The following CCDC85A variants were observed in gnomAD, a reference collection of about 807,000 sequenced individuals.
The protein encoded by CCDC85A is coiled-coil domain containing 85A.
In CCDC85A, 38 loss-of-function variants were observed where a neutral mutation model predicts 50.2. That is an observed-to-expected ratio of 0.76 (90% CI 0.58 to 0.99). CCDC85A has a LOEUF of 0.99. Among genes scored for constraint, CCDC85A ranks in the 50% least tolerant of loss-of-function variants. The probability of loss-of-function intolerance (pLI) is 0.00; values close to 1 mark genes in which losing one functional copy is unlikely to be tolerated. For missense variants in CCDC85A, 820 were observed against 742.0 expected (o/e 1.11, Z -1.22); for synonymous variants, 366 against 301.4 (o/e 1.21, Z -2.22).
intron 2 of CCDC85A, among the ~76,000 whole-genome samples, chr2:56,238,477 T>A (rs902712431): frequency 2.0e-5 from 3 of 152,058 alleles, no homozygotes. Context: ...ACAACATATT[T>A]ATGTTTAATA....
intron 3 of CCDC85A, among the ~76,000 whole-genome samples, chr2:56,369,066 G>A (rs757036180): frequency 6.6e-6 from 1 of 151,848 alleles, no homozygotes; most frequent in African/African-American, 2.4e-5. Context: ...TCATCGTTTT[G>A]TGATTCATGT....
chr2:56,255,320 G>A (rs981730599), intron 2 of CCDC85A, among the ~76,000 whole-genome samples: 1 of 152,178 alleles, frequency 6.6e-6, no homozygotes, highest in African/African-American at 2.4e-5. Context: ...TGATTTGTTG[G>A]CTGCTAAAAT....
At chr2:56,245,430 AG>A (rs925269477) in intron 2 of CCDC85A, among the ~76,000 whole-genome samples, 1 of 152,178 alleles carries the variant, frequency 6.6e-6, no homozygotes, top group South Asian at 2.1e-4. Context: ...GGGATGGAGG[AG>A]GGGGTGGCCT....
At chr2:56,207,180 C>T (rs1031206276) in intron 2 of CCDC85A, among the ~76,000 whole-genome samples, 2 of 152,096 alleles carry the variant, frequency 1.3e-5, no homozygotes, top group African/African-American at 4.8e-5. Context: ...GTATTTTGAC[C>T]TCATTTTAGC....
chr2:56,222,686 C>A (rs1458029164), intron 2 of CCDC85A, among the ~76,000 whole-genome samples: 1 of 152,072 alleles, frequency 6.6e-6, no homozygotes, highest in Admixed American at 6.6e-5. Context: ...CACGTTTTCC[C>A]ACCCGTTGAT....
In CCDC85A at chr2:56,192,845, C is replaced by T. The variant is rs753484409; in HGVS notation, c.645C>T (p.Ser215=). 1.1e-5 allele frequency: 17 copies of T among 1,613,198 alleles called. No homozygotes were observed. The highest frequency in any genetic ancestry group is 1.4e-5 in the Non-Finnish European group (16 of 1,179,680). The part of the protein sequence containing the change: ...RDVGDGSSTS[S]TGSTDSPDHH... ...TGGGTGACGGCAGCAGCACCTCCAG[C>T]ACTGGCAGCACTGACAGCCCGGACC... The change falls in exon 2 of 6, where the codon AGC becomes AGT. Residue 215 remains serine (S), a synonymous_variant. Transcript: ENST00000407595. The surrounding 1 kb of genome is among the most constrained non-coding windows in gnomAD (Gnocchi z 4.7).
intron 2 of CCDC85A, among the ~76,000 whole-genome samples, chr2:56,280,026 G>T (rs1671133239): frequency 6.6e-6 from 1 of 152,136 alleles, no homozygotes; most frequent in Non-Finnish European, 1.5e-5. Flanking sequence ...AATTCAAAAG[G>T]AATATGGCAT....
At chr2:56,318,634 T>C (rs904524633) in intron 2 of CCDC85A, among the ~76,000 whole-genome samples, 2 of 152,146 alleles carry the variant, frequency 1.3e-5, no homozygotes, top group African/African-American at 2.4e-5. Context: ...TTTGGCCCAA[T>C]TTAAATGTTT....
chr2:56,288,481 T>G (rs908821735), intron 2 of CCDC85A, among the ~76,000 whole-genome samples: 1 of 152,150 alleles, frequency 6.6e-6, no homozygotes, highest in Admixed American at 6.6e-5. Context: ...TATTATGAAG[T>G]AAGTTAAAAT....
intron 2 of CCDC85A, among the ~76,000 whole-genome samples, chr2:56,208,079 T>G (rs1677026059): frequency 6.6e-6 from 1 of 152,166 alleles, no homozygotes; most frequent in Non-Finnish European, 1.5e-5. Flanking sequence ...AAAAATATGT[T>G]ATATTGTTTC....
At chr2:56,269,479 C>T (rs951150169) in intron 2 of CCDC85A, among the ~76,000 whole-genome samples, 2 of 152,068 alleles carry the variant, frequency 1.3e-5, no homozygotes, top group Admixed American at 6.6e-5. Context: ...TAGGGCTCCT[C>T]CTATGTTCTT....
intron 5 of CCDC85A, among the ~76,000 whole-genome samples, chr2:56,379,307 C>T (rs573337434): frequency 3.3e-5 from 5 of 152,232 alleles, no homozygotes; most frequent in Admixed American, 3.3e-4. Flanking sequence ...CCAGTTTCAC[C>T]TGTCACTATC....
At position 56,184,814 on chromosome 2, in the gene CCDC85A, G is replaced by C. The variant is rs1444696706; in HGVS notation, c.190G>C (p.Val64Leu). ...CCTGCGGCGCGCCGAGGCGGAGAAG[G>C]TGAGCGCGATGCTGGACCACAGCAA... ...RSLRRAEAEKVSAMLDHSNLI... is the reference protein window; with the variant it reads ...RSLRRAEAEKLSAMLDHSNLI... The change falls in exon 1 of 6, where the codon GTG becomes CTG. Residue 64 changes from valine (V) to leucine (L), a missense_variant. Coordinates refer to ENST00000407595, the MANE Select transcript of CCDC85A (RefSeq NM_001080433.2). The C allele has an allele frequency of 1.3e-6, 2 of 1,546,096 alleles. No individual in the cohort carries two copies. The highest frequency in any genetic ancestry group is 1.2e-5 in the South Asian group (1 of 83,782).
chr2:56,352,108 T>G (rs1046295481), intron 3 of CCDC85A, among the ~76,000 whole-genome samples: 31 of 152,338 alleles, frequency 2.0e-4, no homozygotes, highest in Admixed American at 4.6e-4. Context: ...TTTTCATTTT[T>G]TGTTTTCTTT....
At chr2:56,359,211 T>G (rs532428794) in intron 3 of CCDC85A, among the ~76,000 whole-genome samples, 2 of 152,192 alleles carry the variant, frequency 1.3e-5, no homozygotes, top group Non-Finnish European at 2.9e-5. Context: ...TTATCAGTAC[T>G]GGGATTTGAA....
intron 2 of CCDC85A, among the ~76,000 whole-genome samples, chr2:56,236,201 C>T (rs143947573): frequency 2.6e-5 from 4 of 152,240 alleles, no homozygotes; most frequent in African/African-American, 7.2e-5. Flanking sequence ...GGAAAGGCCC[C>T]TATGCAGTAC....
At position 56,384,621 on chromosome 2, in the gene CCDC85A, A is replaced by G. The variant is rs568792889; in HGVS notation, c.*266A>G. ...AAACAGAGTAGCTTTGAAAATCAAC[A>G]TTTTGGTACCAGTGTTTTCATTAGA... On this transcript the variant is annotated 3_prime_UTR_variant, in exon 6 of 6. Coordinates refer to ENST00000407595, the MANE Select transcript of CCDC85A (RefSeq NM_001080433.2). 8.7e-5 allele frequency: 30 copies of G among 346,232 alleles called. 1 individual carries two copies. The East Asian group carries it at 9.3e-4, about 11-fold the overall frequency. The allele number at this position is 346,232 out of a possible 1,614,324, so 21.4% of individuals were successfully genotyped here.
chr2:56,362,461 C>CTGAG (rs1675578407), intron 3 of CCDC85A, among the ~76,000 whole-genome samples: 1 of 151,872 alleles, frequency 6.6e-6, no homozygotes, highest in Non-Finnish European at 1.5e-5. Flanking sequence ...TGAATGGGAA[C>CTGAG]TTCTCATCAA....
chr2:56,231,581 G>A (rs1668774888), intron 2 of CCDC85A, among the ~76,000 whole-genome samples: 1 of 152,038 alleles, frequency 6.6e-6, no homozygotes, highest in African/African-American at 2.4e-5. Context: ...GAGTCAGTTG[G>A]GTAAAAGAAC....
Sources: allele counts gnomAD v4.1 joint callset (sites outside exome capture counted in the v4.1 genomes callset), GRCh38; gene constraint gnomAD v4.1.1; non-coding constraint Gnocchi (gnomAD v3.1); transcripts MANE v1.5; gene names NCBI Gene and HGNC (gene_info 2026-07-23, HGNC 2026-07-21).